Variants in EPB41L3 observed in about 807,000 individuals in gnomAD.
EPB41L3 encodes the protein erythrocyte membrane protein band 4.1 like 3, also known as band 4.1-like protein 3.
EPB41L3 carries 57 observed loss-of-function variants against 127.1 expected under a neutral mutation model. That is an observed-to-expected ratio of 0.45 (90% CI 0.36 to 0.56). The LOEUF (loss-of-function observed/expected upper bound fraction) is 0.56, where lower values mean the gene tolerates loss of function less well. EPB41L3 is among the 20% of genes least tolerant of loss of function. EPB41L3 has a pLI of 0.00. For missense variants in EPB41L3, 1,273 were observed against 1,372.2 expected, an observed-to-expected ratio of 0.93 and a Z score of 1.14; for synonymous variants, 572 against 549.5, an observed-to-expected ratio of 1.04 and a Z score of -0.57.
intron 6 of EPB41L3, among the ~76,000 whole-genome samples, chr18:5,437,361 C>A (rs550606957): frequency 6.6e-6 from 1 of 152,164 alleles, no homozygotes. Context: ...ACCTGACCTG[C>A]GGGCACCCTG....
intron 3 of EPB41L3, among the ~76,000 whole-genome samples, chr18:5,456,237 A>T (rs1254924776): frequency 6.6e-6 from 1 of 152,200 alleles, no homozygotes; most frequent in East Asian, 1.9e-4. Context: ...TAATATTGTC[A>T]TTGCTTTAAA....
intron 1 of EPB41L3, among the ~76,000 whole-genome samples, chr18:5,510,467 C>T (rs2092455674): frequency 6.6e-6 from 1 of 152,190 alleles, no homozygotes; most frequent in Non-Finnish European, 1.5e-5. Flanking sequence ...GACTGACAGG[C>T]AGGGCTGGGT....
intron 16 of EPB41L3, among the ~76,000 whole-genome samples, chr18:5,401,250 T>G (rs1230601071): frequency 6.6e-6 from 1 of 152,174 alleles, no homozygotes; most frequent in Non-Finnish European, 1.5e-5. Flanking sequence ...AAATTTAGTT[T>G]TTTCCAAAGA....
At chr18:5,558,379 T>C (rs1467747261) in intron 3 of EPB41L3, among the ~76,000 whole-genome samples, 1 of 152,136 alleles carries the variant, frequency 6.6e-6, no homozygotes, top group Non-Finnish European at 1.5e-5. Context: ...TGCAAATGTA[T>C]CCCAATTCCC....
chr18:5,586,094 T>C (rs2094439545), intron 3 of EPB41L3, among the ~76,000 whole-genome samples: 1 of 152,194 alleles, frequency 6.6e-6, no homozygotes, highest in East Asian at 1.9e-4. Flanking sequence ...TAAAATTCCC[T>C]GCATTCCATT....
intron 3 of EPB41L3, among the ~76,000 whole-genome samples, chr18:5,561,123 GC>G (rs1568574805): frequency 6.7e-6 from 1 of 148,998 alleles, no homozygotes; most frequent in Non-Finnish European, 1.5e-5. Flanking sequence ...GACTACAGGC[GC>G]CCGCCACTAC....
chr18:5,454,280 A>G (rs918602448), intron 3 of EPB41L3, among the ~76,000 whole-genome samples: 1 of 150,798 alleles, frequency 6.6e-6, no homozygotes, highest in Non-Finnish European at 1.5e-5. Flanking sequence ...GGAACAAAAG[A>G]TGATGGTGTC....
intron 1 of EPB41L3, among the ~76,000 whole-genome samples, chr18:5,623,033 A>G (rs187615921): frequency 5.5e-5 from 8 of 145,642 alleles, no homozygotes; most frequent in African/African-American, 2.0e-4. Context: ...CATAAACTAC[A>G]GTCACGTAGC....
chr18:5,518,182 G>A (rs762521738), intron 1 of EPB41L3, among the ~76,000 whole-genome samples: 37 of 152,116 alleles, frequency 2.4e-4, no homozygotes, highest in Middle Eastern at 3.4e-3. Context: ...GCCTTTCAAG[G>A]GTCCACACGG....
rs1255648095 is a variant in EPB41L3, at chr18:5,395,820, A to G, written c.2974-113T>C. 12 of 785,288 alleles carry G rather than the reference A, an allele frequency of 1.5e-5. No individual in the cohort carries two copies. In the Middle Eastern group the frequency reaches 7.1e-4, roughly 46 times the overall value. 48.6% of individuals were successfully genotyped at this position (785,288 alleles called of 1,614,324 possible). A position where few individuals can be genotyped will look rare whatever the true frequency, so the allele number is the denominator to read the frequency against. Reference sequence around the variant, plus strand: ...TTTCACTATCTCCTATTATGCAATCATTATGCTCTTCAGAGTCTGAGCGCT... The same window carrying G: ...TTTCACTATCTCCTATTATGCAATCGTTATGCTCTTCAGAGTCTGAGCGCT... On this transcript the variant is annotated intron_variant, in intron 19 of 22. Coordinates refer to ENST00000341928, the MANE Select transcript of EPB41L3 (RefSeq NM_012307.5).
At chr18:5,618,177 C>T (rs1052432408) in intron 1 of EPB41L3, among the ~76,000 whole-genome samples, 1 of 152,172 alleles carries the variant, frequency 6.6e-6, no homozygotes, top group African/African-American at 2.4e-5. Flanking sequence ...TGGGGAAGGC[C>T]TATATTCAGA....
chr18:5,619,163 G>A (rs770930775), intron 1 of EPB41L3, among the ~76,000 whole-genome samples: 5 of 152,188 alleles, frequency 3.3e-5, no homozygotes, highest in Non-Finnish European at 7.4e-5. Context: ...AGAGGTTGGG[G>A]TGGGGGCAGG....
intron 1 of EPB41L3, among the ~76,000 whole-genome samples, chr18:5,500,766 G>A (rs1261376768): frequency 6.6e-6 from 1 of 152,176 alleles, no homozygotes; most frequent in Non-Finnish European, 1.5e-5. Flanking sequence ...AACAGTCTGT[G>A]TTTCTGCATC....
chr18:5,571,066 T>C (rs1253357180), intron 3 of EPB41L3: 1 of 152,218 alleles, frequency 6.6e-6, no homozygotes, highest in Non-Finnish European at 1.5e-5. Flanking sequence ...AATTTTGAAA[T>C]GGGCTTCTCT....
chr18:5,423,282 AT>A (rs2077707993), intron 11 of EPB41L3, 95 bp downstream of exon 11: 1 of 1,245,462 alleles, frequency 8.0e-7, no homozygotes, highest in African/African-American at 1.5e-5. Context: ...AACATACAAT[AT>A]CCAGGAATAT....
chr18:5,621,584 GA>G (rs571580178), intron 1 of EPB41L3, among the ~76,000 whole-genome samples: 2 of 151,838 alleles, frequency 1.3e-5, no homozygotes, highest in Non-Finnish European at 2.9e-5. Context: ...ACAAAAGTAA[GA>G]AAAAAAATAG....
chr18:5,580,173 C>A (rs1235519602), intron 3 of EPB41L3, among the ~76,000 whole-genome samples: 2 of 152,150 alleles, frequency 1.3e-5, no homozygotes, highest in Non-Finnish European at 2.9e-5. Context: ...TGGATAAATA[C>A]ATATGTATAC....
chr18:5,600,596 T>G (rs888688382), intron 3 of EPB41L3, among the ~76,000 whole-genome samples: 1 of 152,100 alleles, frequency 6.6e-6, no homozygotes, highest in South Asian at 2.1e-4. Context: ...TGTCCAAGAT[T>G]GGGAGAGATT....
intron 16 of EPB41L3, chr18:5,398,390 T>A (rs763578386): frequency 2.0e-6 from 1 of 495,928 alleles, no homozygotes; most frequent in Non-Finnish European, 3.5e-6. Flanking sequence ...ATATATATTT[T>A]TTCCCCTTCA....
Sources: allele counts gnomAD v4.1 joint callset (sites outside exome capture counted in the v4.1 genomes callset), GRCh38; gene constraint gnomAD v4.1.1; transcripts MANE v1.5; gene names NCBI Gene and HGNC (gene_info 2026-07-23, HGNC 2026-07-21).